H2AJ: variants seen among roughly 807,000 people sequenced by gnomAD.
H2AJ encodes the protein H2A.J histone, also known as histone H2A.J.
In H2AJ, 3 loss-of-function variants were observed where a neutral mutation model predicts 7.9. The ratio of observed to expected loss-of-function variants is 0.38; its 90% CI spans 0.17 to 0.98. The LOEUF (loss-of-function observed/expected upper bound fraction) is 0.98, where lower values mean the gene tolerates loss of function less well. H2AJ is among the 50% of genes least tolerant of loss of function. The pLI, the probability that H2AJ is intolerant of heterozygous loss-of-function variation, is 0.39. For synonymous variants in H2AJ, 98 were observed against 85.7 expected, an observed-to-expected ratio of 1.14 and a Z score of -0.79; for missense variants, 128 against 174.4, an observed-to-expected ratio of 0.73 and a Z score of 1.50.
downstream of H2AJ, chr12:14,775,623 A>AGC: frequency 8.4e-6 from 3 of 355,512 alleles, no homozygotes; most frequent in South Asian, 6.9e-5. Context: ...ATAACATTGC[A>AGC]GCGCCTTTAG....
rs1280757345 is a variant in H2AJ at position 14,774,592 on chromosome 12, C to T, written c.122C>T (p.Ala41Val). 6.2e-7 allele frequency: 1 copy of T among 1,614,036 alleles called. No individual in the cohort carries two copies. Among genetic ancestry groups the T allele is most frequent in the Admixed American group, 1.7e-5 (1 of 60,014 alleles). Residue 41 changes from alanine (A) to valine (V), a missense_variant, in exon 1 of 1, where the codon GCG becomes GTG. Physicochemically the swap from Ala to Val is moderately conservative, Grantham distance 64. Coordinates refer to ENST00000544848, the MANE Select transcript of H2AJ (RefSeq NM_177925.5). ...VHRLLRKGNY[A>V]ERVGAGAPVY... Reference sequence around the variant, plus strand: ...AGACTGCTGCGCAAAGGGAACTACGCGGAGCGAGTGGGCGCCGGGGCGCCG... The same window carrying T: ...AGACTGCTGCGCAAAGGGAACTACGTGGAGCGAGTGGGCGCCGGGGCGCCG...
downstream of H2AJ, chr12:14,775,149 C>T (rs1202963826): frequency 2.0e-6 from 1 of 503,086 alleles, no homozygotes. Flanking sequence ...GGCTTTAGTC[C>T]GCAGGTCACC....
rs763081115 is a variant in H2AJ, at chr12:14,774,432, G to A, written c.-39G>A. The A allele has an allele frequency of 1.1e-5, 17 of 1,527,136 alleles. No individual in the cohort carries two copies. The highest frequency in any genetic ancestry group is 1.8e-4 in the Middle Eastern group (1 of 5,602). The allele number at this position is 1,527,136 out of a possible 1,614,324, so 94.6% of individuals were successfully genotyped here. A position where few individuals can be genotyped will look rare whatever the true frequency, so the allele number is the denominator to read the frequency against. ...ATTCCGGTACCGGACGCCGAGAGCG[G>A]TTTGTCTCCGTCTCTGGAGTTGTAG... On this transcript the variant is annotated 5_prime_UTR_variant, in exon 1 of 1. Coordinates refer to ENST00000544848, the MANE Select transcript of H2AJ (RefSeq NM_177925.5).
downstream of H2AJ, chr12:14,777,300 T>A (rs1204729356): frequency 3.6e-5 from 6 of 167,036 alleles, no homozygotes; most frequent in Non-Finnish European, 8.8e-5. Context: ...CAGTTTTTAA[T>A]AGAGTTATAA....
In H2AJ at chr12:14,774,871, G is replaced by T; in HGVS notation, c.*11G>T. 1.2e-6 allele frequency: 2 copies of T among 1,610,858 alleles called. No homozygotes were observed. Among genetic ancestry groups the T allele is most frequent in the Non-Finnish European group, 1.7e-6 (2 of 1,178,374 alleles). On this transcript the variant is annotated 3_prime_UTR_variant, in exon 1 of 1. Coordinates refer to ENST00000544848, the MANE Select transcript of H2AJ (RefSeq NM_177925.5). ...ACGAAGAGCAAATGACCCTGACGCC[G>T]CCCTCAGGGAGCTGGCTCCCCCAGC... is the stretch of plus-strand genomic sequence containing the variant.
downstream of H2AJ, chr12:14,776,105 C>T (rs966515646): frequency 6.0e-6 from 1 of 167,124 alleles, no homozygotes; most frequent in African/African-American, 2.4e-5. Context: ...TCTTTGGATT[C>T]ATCTTTCCTG....
At chr12:14,775,156 C>G, downstream of H2AJ, 1 of 496,946 alleles carries the variant, frequency 2.0e-6, no homozygotes. Flanking sequence ...GTCCGCAGGT[C>G]ACCCTCGAGG....
At chr12:14,776,735 A>T (rs539012057), downstream of H2AJ, 1 of 167,150 alleles carries the variant, frequency 6.0e-6, no homozygotes, top group South Asian at 2.1e-4. Context: ...TAGAACTACT[A>T]CTCACAGTTA....
At chr12:14,777,472 T>C (rs1949656148), downstream of H2AJ, 2 of 167,060 alleles carry the variant, frequency 1.2e-5, no homozygotes, top group East Asian at 1.9e-4. Flanking sequence ...GTCTGTTTAG[T>C]TGTGCCTGCC....
Position 14,774,899 on chromosome 12 carries a change from AGGCCC to A in H2AJ, c.*40_*44del, listed in dbSNP as rs1949612426. On this transcript the variant is annotated 3_prime_UTR_variant, in exon 1 of 1. Coordinates refer to ENST00000544848, the MANE Select transcript of H2AJ (RefSeq NM_177925.5). ...CTCAGGGAGCTGGCTCCCCCAGCAA[AGGCCC>A]TTTTCATGGTCGTCCCGCAATGCTT... The A allele has an allele frequency of 6.3e-7, 1 of 1,595,438 alleles. No homozygotes were observed. Among genetic ancestry groups the A allele is most frequent in the Non-Finnish European group, 8.5e-7 (1 of 1,171,000 alleles).
At chr12:14,775,597 C>G (rs866384099), downstream of H2AJ, 1 of 369,740 alleles carries the variant, frequency 2.7e-6, no homozygotes, top group South Asian at 2.1e-5. Context: ...ATTCGTTCCC[C>G]TGACAGTCAT....
downstream of H2AJ, chr12:14,777,455 A>T: frequency 6.0e-6 from 1 of 166,984 alleles, no homozygotes. Context: ...TGTGTCCCCG[A>T]GGACTGGTCT....
chr12:14,776,887 A>G (rs1008139528), downstream of H2AJ: 2 of 167,080 alleles, frequency 1.2e-5, no homozygotes, highest in Admixed American at 1.3e-4. Context: ...TCATAAGAAA[A>G]AGCACCTTTG....
chr12:14,775,503 T>C, downstream of H2AJ: 1 of 460,846 alleles, frequency 2.2e-6, no homozygotes, highest in Non-Finnish European at 4.5e-6. Flanking sequence ...GCTTTGGATA[T>C]CAGATATCTT....
At position 14,774,624 on chromosome 12, in the gene H2AJ, C is replaced by T. The variant is rs766932107; in HGVS notation, c.154C>T (p.Leu52=). 8.1e-6 allele frequency: 13 copies of T among 1,613,976 alleles called. No individual in the cohort carries two copies. The African/African-American group carries it at 1.6e-4, about 20-fold the overall frequency. The change falls in exon 1 of 1, where the codon CTG becomes TTG. Residue 52 remains leucine, a synonymous_variant. Transcript: ENST00000544848. ...AGTGGGCGCCGGGGCGCCGGTGTAC[C>T]TGGCGGCGGTGTTGGAGTACCTTAC... ...ERVGAGAPVY[L]AAVLEYLTAE... is the part of the protein sequence containing the mutation.
rs1949613035 is a variant in H2AJ at position 14,774,919 on chromosome 12, C to T, written c.*59C>T. The T allele has an allele frequency of 2.6e-6, 4 of 1,561,346 alleles. No individual in the cohort carries two copies. Among genetic ancestry groups the T allele is most frequent in the Admixed American group, 1.9e-5 (1 of 53,116 alleles). On this transcript the variant is annotated 3_prime_UTR_variant, in exon 1 of 1. Coordinates refer to ENST00000544848, the MANE Select transcript of H2AJ (RefSeq NM_177925.5). Reference sequence around the variant, plus strand: ...AGCAAAGGCCCTTTTCATGGTCGTCCCGCAATGCTTTTGAATGTGCTGGAT... The same window carrying T: ...AGCAAAGGCCCTTTTCATGGTCGTCTCGCAATGCTTTTGAATGTGCTGGAT...
Position 14,774,462 on chromosome 12 carries a change from G to A in H2AJ, c.-9G>A. On this transcript the variant is annotated 5_prime_UTR_variant, in exon 1 of 1. Coordinates refer to ENST00000544848, the MANE Select transcript of H2AJ (RefSeq NM_177925.5). ...TCTCCGTCTCTGGAGTTGTAGGCGA[G>A]AGGTGATCATGTCCGGTCGCGGGAA... 1 of 1,555,334 alleles carries A rather than the reference G, an allele frequency of 6.4e-7. No homozygotes were observed. Among genetic ancestry groups the A allele is most frequent in the Non-Finnish European group, 8.7e-7 (1 of 1,152,760 alleles).
Position 14,774,940 on chromosome 12 carries a change from T to C in H2AJ, c.*80T>C, listed in dbSNP as rs1222016711. The C allele has an allele frequency of 6.8e-7, 1 of 1,477,272 alleles. No homozygotes were observed. The highest frequency in any genetic ancestry group is 9.2e-7 in the Non-Finnish European group (1 of 1,090,832). The allele number at this position is 1,477,272 out of a possible 1,614,324, so 91.5% of individuals were successfully genotyped here. A position where few individuals can be genotyped will look rare whatever the true frequency, so the allele number is the denominator to read the frequency against. On this transcript the variant is annotated 3_prime_UTR_variant, in exon 1 of 1. Transcript: ENST00000544848. ...CGTCCCGCAATGCTTTTGAATGTGC[T>C]GGATGTCATGGAGGGCCGGTGACAT...
chr12:14,775,686 T>C (rs191987045), downstream of H2AJ: 42 of 317,636 alleles, frequency 1.3e-4, 1 homozygote, highest in Non-Finnish European at 6.5e-6. Flanking sequence ...AGTTTCTAGC[T>C]TCATAATGAT....
Sources: gnomAD v4.1 joint callset for allele counts on GRCh38, gnomAD v4.1.1 for gene constraint, MANE v1.5 for transcripts, NCBI Gene and HGNC (gene_info 2026-07-23, HGNC 2026-07-21) for gene names.